Variants in DNAH1 observed in about 807,000 individuals in gnomAD.
The protein encoded by DNAH1 is axonemal beta dynein heavy chain 1.
Under a neutral mutation model 484.3 loss-of-function variants are expected in DNAH1, and 327 were observed. That is an observed-to-expected ratio of 0.68 (90% CI 0.62 to 0.74). The LOEUF is 0.74. Ranked by LOEUF, DNAH1 falls within the 30% of genes least tolerant of loss-of-function variation. DNAH1 has a pLI of 0.00. For missense variants in DNAH1, 5,052 were observed against 5,546.8 expected, an observed-to-expected ratio of 0.91 and a Z score of 2.83; for synonymous variants, 2,192 against 2,191.9, an observed-to-expected ratio of 1.00 and a Z score of 0.00.
rs1405432651 is a variant in DNAH1 at position 52,383,444 on chromosome 3, C to G, written c.8000C>G (p.Pro2667Arg). The change falls in exon 51 of 78, where the codon CCC becomes CGC. Residue 2667 changes from proline to arginine, a missense_variant. Transcript: ENST00000420323. The part of the protein sequence containing the change: ...INNVLNSGDI[P>R]NLYTADEQDQ... ...AACGTCCTAAACTCTGGTGACATTC[C>G]CAATCTGTATACTGCGGACGAGCAG... is the stretch of plus-strand genomic sequence containing the variant. The G allele has an allele frequency of 6.2e-7, 1 of 1,614,002 alleles. No homozygotes were observed. The highest frequency in any genetic ancestry group is 2.2e-5 in the East Asian group (1 of 44,884).
rs1205076938 is a variant in DNAH1, at chr3:52,381,840, A to G, written c.7805+4A>G. 1 of 1,580,766 alleles carries G rather than the reference A, an allele frequency of 6.3e-7. No individual in the cohort carries two copies. Among genetic ancestry groups the G allele is most frequent in the Non-Finnish European group, 8.6e-7 (1 of 1,163,608 alleles). ...TCACAAGGCTCGCCTCGCACATGTG[A>G]GCGCCTCCAGGGCGTGCTGGGCAGT... is the stretch of plus-strand genomic sequence containing the variant. On this transcript the variant is annotated splice_donor_region_variant and intron_variant, in intron 49 of 77. Coordinates refer to ENST00000420323, the MANE Select transcript of DNAH1 (RefSeq NM_015512.5). The surrounding 1 kb of genome is among the most constrained non-coding windows in gnomAD (Gnocchi z 4.1).
chr3:52,325,391 C>T (rs139314261), intron 3 of DNAH1, among the ~76,000 whole-genome samples: 1 of 152,286 alleles, frequency 6.6e-6, no homozygotes, highest in African/African-American at 2.4e-5. Context: ...CAGGAGGCTG[C>T]CCAGAGCCCA....
intron 1 of DNAH1, chr3:52,321,808 G>A (rs888514982): frequency 6.6e-6 from 1 of 152,490 alleles, no homozygotes; most frequent in African/African-American, 2.4e-5. Flanking sequence ...GTCAGGATTG[G>A]GGTCCTGCTG....
At chr3:52,317,002 A>G (rs1287774228) in intron 1 of DNAH1, among the ~76,000 whole-genome samples, 1 of 152,194 alleles carries the variant, frequency 6.6e-6, no homozygotes, top group Non-Finnish European at 1.5e-5. Flanking sequence ...TAGTACATGG[A>G]CATCTGTGAC....
At chr3:52,360,510 C>G (rs1466887638) in intron 28 of DNAH1, 86 bp downstream of exon 28, 7 of 1,101,758 alleles carry the variant, frequency 6.4e-6, no homozygotes, top group Non-Finnish European at 9.3e-6. Context: ...CATGGCCACT[C>G]TGGGGTGATC....
rs748892873 is a variant in DNAH1 at position 52,331,273 on chromosome 3, G to A, written c.997G>A (p.Gly333Arg). The change falls in exon 7 of 78, where the codon GGG (glycine) becomes AGG (arginine). Residue 333 changes from glycine to arginine, a missense_variant. Gly to Arg is a moderately radical substitution (Grantham distance 125). Around this residue, in one of 4 missense-constraint regions of DNAH1, gnomAD observed 1,263 missense variants for 1,218.8 expected, o/e 1.04. Coordinates refer to ENST00000420323, the MANE Select transcript of DNAH1 (RefSeq NM_015512.5). ...GAAAGGCCTGGTGCGAGATGAGATGGGGAGGCCCATCCTGAATGCAGGGGT... is the reference window on the plus strand; with the variant it reads ...GAAAGGCCTGGTGCGAGATGAGATGAGGAGGCCCATCCTGAATGCAGGGGT... Reference protein sequence around the residue: ...DEKGLVRDEMGRPILNAGVTT... With the variant: ...DEKGLVRDEMRRPILNAGVTT... 7 of 1,610,720 alleles carry A rather than the reference G, an allele frequency of 4.3e-6. No homozygotes were observed. Among genetic ancestry groups the A allele is most frequent in the Non-Finnish European group, 5.9e-6 (7 of 1,178,674 alleles).
chr3:52,342,995 C>T (rs1006829116), intron 8 of DNAH1, among the ~76,000 whole-genome samples: 2 of 152,030 alleles, frequency 1.3e-5, no homozygotes, highest in African/African-American at 4.8e-5. Flanking sequence ...GGACCCCTGG[C>T]ACAGGCCAAC....
At chr3:52,388,768 A>G (rs1578194050) in intron 58 of DNAH1, 38 bp from the exon 59 acceptor site, 4 of 1,610,710 alleles carry the variant, frequency 2.5e-6, no homozygotes, top group Non-Finnish European at 3.4e-6. Context: ...CCCCTAGCCC[A>G]GCCTCCCAGA....
rs199740667 is a variant in DNAH1, at chr3:52,366,862, G to A, written c.5740G>A (p.Glu1914Lys). The A allele has an allele frequency of 1.2e-3, 1,911 of 1,613,552 alleles. No individual in the cohort carries two copies. The highest frequency in any genetic ancestry group is 1.5e-3 in the Non-Finnish European group (1,828 of 1,179,668). Residue 1914 changes from glutamate (E) to lysine (K), a missense_variant, in exon 36 of 78, where the codon GAG becomes AAG. Around this residue, in one of 4 missense-constraint regions of DNAH1, gnomAD observed 2,929 missense variants for 3,409.4 expected, o/e 0.86. Coordinates refer to ENST00000420323, the MANE Select transcript of DNAH1 (RefSeq NM_015512.5). ...CATCACGATGGGCCAGCTGTACGGG[G>A]AGTTTGACCTCCTCACCCATGAGTG... ...KSITMGQLYG[E>K]FDLLTHEWTD...
At chr3:52,335,530 A>T (rs1701712241) in intron 8 of DNAH1, among the ~76,000 whole-genome samples, 1 of 150,618 alleles carries the variant, frequency 6.6e-6, no homozygotes, top group Non-Finnish European at 1.5e-5. Context: ...GTTGGTTTTG[A>T]ACTCCTGACC....
intron 32 of DNAH1, among the ~76,000 whole-genome samples, chr3:52,363,754 A>G (rs746045959): frequency 1.2e-4 from 18 of 152,160 alleles, no homozygotes; most frequent in Non-Finnish European, 2.4e-4. Context: ...TTGTCACCCT[A>G]ATGGGCCTTC....
rs527432515 is a variant in DNAH1 at position 52,355,761 on chromosome 3, C to T, written c.3693+706C>T. Among the ~76,000 whole-genome samples the T allele has an allele frequency of 5.1e-4, 78 of 152,380 alleles. No individual in the cohort carries two copies. Among genetic ancestry groups the T allele is most frequent in the African/African-American group, 1.8e-3 (76 of 41,586 alleles). Reference sequence around the variant, plus strand: ...TCCCCCTCTGCTCACGCTGTCCACTCGACCTGGAGTTTGACACCCGCCTTC... The same window carrying T: ...TCCCCCTCTGCTCACGCTGTCCACTTGACCTGGAGTTTGACACCCGCCTTC... On this transcript the variant is annotated intron_variant, in intron 21 of 77. Transcript: ENST00000420323. This position sits in a 1 kb window ranked among gnomAD's most constrained non-coding sequence, Gnocchi z 4.5.
chr3:52,380,220 C>T lies in DNAH1; in HGVS notation c.7608+85C>T, dbSNP rs375709815. 4 of 1,196,662 alleles carry T rather than the reference C, an allele frequency of 3.3e-6. No homozygotes were observed. In the African/African-American group the frequency reaches 4.6e-5, roughly 14 times the overall value. The allele number at this position is 1,196,662 out of a possible 1,614,324, so 74.1% of individuals were successfully genotyped here. On this transcript the variant is annotated intron_variant, in intron 48 of 77. Coordinates refer to ENST00000420323, the MANE Select transcript of DNAH1 (RefSeq NM_015512.5). ...GGGCCCAGGCCCCCTGCAGTCACCA[C>T]TAACAGACTACCACACTATAACCAG... is the stretch of plus-strand genomic sequence containing the variant.
intron 17 of DNAH1, 105 bp from the exon 18 acceptor site, chr3:52,352,447 G>T: frequency 6.9e-7 from 1 of 1,455,252 alleles, no homozygotes; most frequent in East Asian, 2.3e-5. Context: ...TTAGAACTCG[G>T]AGGAGTGGAC....
At chr3:52,351,201 C>T (rs917341368) in intron 16 of DNAH1, among the ~76,000 whole-genome samples, 1 of 152,186 alleles carries the variant, frequency 6.6e-6, no homozygotes, top group South Asian at 2.1e-4. Context: ...TGGCTGGTGC[C>T]CTTTGGGGTT....
In DNAH1 at chr3:52,384,888, G is replaced by A; in HGVS notation, c.8425G>A (p.Glu2809Lys). The A allele has an allele frequency of 6.2e-7, 1 of 1,613,534 alleles. No individual in the cohort carries two copies. The highest frequency in any genetic ancestry group is 8.5e-7 in the Non-Finnish European group (1 of 1,179,680). The stretch of plus-strand genomic sequence containing the variant: ...CTATGTGACCCCCAAGAGCTACTTG[G>A]AGCTGCTTCATATTTTCTCCATCCT... Reference protein sequence around the residue: ...HNYVTPKSYLELLHIFSILIG... With the variant: ...HNYVTPKSYLKLLHIFSILIG... Residue 2809 changes from glutamate (E) to lysine (K), a missense_variant, in exon 53 of 78, where the codon GAG (glutamate) becomes AAG (lysine). By Grantham distance (56) the Glu-to-Lys change is moderately conservative. Coordinates refer to ENST00000420323, the MANE Select transcript of DNAH1 (RefSeq NM_015512.5).
intron 44 of DNAH1, chr3:52,374,559 T>C (rs567642241): frequency 2.0e-6 from 3 of 1,501,234 alleles, no homozygotes; most frequent in Non-Finnish European, 2.8e-6. Flanking sequence ...GTTGGCCAAA[T>C]GTGTCTCCAG....
In DNAH1 at chr3:52,362,243, G is replaced by A; in HGVS notation, c.4981-145G>A. ...GGTTTCAGGCCAGATCCTGAGAGAG[G>A]ATACAACCCATGATCAGGGGTCCAG... On this transcript the variant is annotated intron_variant, in intron 30 of 77. Coordinates refer to ENST00000420323, the MANE Select transcript of DNAH1 (RefSeq NM_015512.5). This position sits in a 1 kb window ranked among gnomAD's most constrained non-coding sequence, Gnocchi z 5.1. 4.4e-6 allele frequency: 3 copies of A among 677,210 alleles called. No homozygotes were observed. Among genetic ancestry groups the A allele is most frequent in the Non-Finnish European group, 7.6e-6 (3 of 392,410 alleles). The allele number at this position is 677,210 out of a possible 1,614,324, so 42.0% of individuals were successfully genotyped here.
intron 12 of DNAH1, 54 bp from the exon 13 acceptor site, chr3:52,348,834 C>A: frequency 1.3e-6 from 2 of 1,579,204 alleles, no homozygotes; most frequent in Non-Finnish European, 1.7e-6. Context: ...CCCCTCTGCT[C>A]ATTCACCCCC....
Sources: gnomAD v4.1 joint callset for allele counts (sites outside exome capture counted in the v4.1 genomes callset) on GRCh38, gnomAD v4.1.1 for gene constraint, gnomAD v4.1.1 regional missense constraint, Gnocchi (gnomAD v3.1) non-coding constraint, MANE v1.5 for transcripts, NCBI Gene and HGNC (gene_info 2026-07-23, HGNC 2026-07-21) for gene names.